SVEP1: variants seen among roughly 807,000 people sequenced by gnomAD.
SVEP1 encodes sushi, von Willebrand factor type A, EGF and pentraxin domain-containing protein 1.
SVEP1 carries 164 observed loss-of-function variants against 367.3 expected under a neutral mutation model. The observed-to-expected ratio is 0.45, with a 90% CI of 0.39 to 0.51. SVEP1 has a LOEUF of 0.51. Among genes scored for constraint, SVEP1 ranks in the 20% least tolerant of loss-of-function variants. SVEP1 has a pLI of 0.00. For synonymous variants in SVEP1, 1,666 were observed against 1,611.6 expected (o/e 1.03, Z -0.81); for missense variants, 4,117 against 4,425.3 (o/e 0.93, Z 1.98).
chr9:110,434,352 T>A lies in SVEP1; in HGVS notation c.5043A>T (p.Pro1681=), dbSNP rs764066854. ...YCLNQGQWTQ[P]LPHCERISCG... is the part of the protein sequence containing the mutation. ...GCAGCTCACGTTCACAGTGAGGAAG[T>A]GGTTGTGTCCACTGTCCTTGATTCA... Residue 1681 remains proline (P), a synonymous_variant, in exon 30 of 48, where the codon CCA becomes CCT. Transcript: ENST00000374469. 81 of 1,606,316 alleles carry A rather than the reference T, an allele frequency of 5.0e-5. No homozygotes were observed. Among genetic ancestry groups the A allele is most frequent in the Admixed American group, 8.4e-5 (5 of 59,640 alleles).
intron 27 of SVEP1, among the ~76,000 whole-genome samples, chr9:110,441,375 C>A (rs1176220862): frequency 6.6e-6 from 1 of 152,168 alleles, no homozygotes; most frequent in Non-Finnish European, 1.5e-5. Flanking sequence ...TCTCCCCAAT[C>A]CATTTCTTTA....
At position 110,475,649 on chromosome 9, in the gene SVEP1, C is replaced by T. The variant is rs78984103; in HGVS notation, c.2599+555G>A. On this transcript the variant is annotated intron_variant, in intron 14 of 47. Coordinates refer to ENST00000374469, the MANE Select transcript of SVEP1 (RefSeq NM_153366.4). ...CTCCTGGGCTCAAGGGATCCTCCCACCTCATCCCCCTAAGTAGCTGGGACT... is the reference window on the plus strand; with the variant it reads ...CTCCTGGGCTCAAGGGATCCTCCCATCTCATCCCCCTAAGTAGCTGGGACT... 6.6e-5 allele frequency among the ~76,000 whole-genome samples: 10 copies of T among 152,068 alleles called. No homozygotes were observed. In the East Asian group the frequency reaches 1.7e-3, roughly 26 times the overall value.
Position 110,443,633 on chromosome 9 carries a change from C to A in SVEP1, c.4551G>T (p.Trp1517Cys). 6.2e-7 allele frequency: 1 copy of A among 1,613,436 alleles called. No individual in the cohort carries two copies. The highest frequency in any genetic ancestry group is 8.5e-7 in the Non-Finnish European group (1 of 1,179,700). ...CTTTCCAGATGCCATTGGCACTTGT[C>A]CAAGTGATTGCAATATGATGCCATC... Reference protein sequence around the residue: ...DGRWHHIAITWTSANGIWKVY... With the variant: ...DGRWHHIAITCTSANGIWKVY... The change falls in exon 27 of 48, where the codon TGG becomes TGT. Residue 1517 changes from tryptophan (W) to cysteine (C), a missense_variant. By Grantham distance (215) the Trp-to-Cys change is radical (BLOSUM62 -2). This residue lies in a region of SVEP1 where 2,174 missense variants were observed against 2,494.3 expected (regional missense o/e 0.87). Transcript: ENST00000374469.
chr9:110,445,972 C>T lies in SVEP1; in HGVS notation c.4328G>A (p.Gly1443Asp). 1 of 1,613,786 alleles carries T rather than the reference C, an allele frequency of 6.2e-7. No homozygotes were observed. Among genetic ancestry groups the T allele is most frequent in the Non-Finnish European group, 8.5e-7 (1 of 1,179,814 alleles). Residue 1443 changes from glycine to aspartate, a missense_variant, in exon 26 of 48, where the codon GGC becomes GAC. Physicochemically the swap from Gly to Asp is moderately conservative, Grantham distance 94. This residue lies in a region of SVEP1 where 2,174 missense variants were observed against 2,494.3 expected (regional missense o/e 0.87). Coordinates refer to ENST00000374469, the MANE Select transcript of SVEP1 (RefSeq NM_153366.4). Reference protein sequence around the residue: ...SGIYGYVMLDGMLPSLHALTC... With the variant: ...SGIYGYVMLDDMLPSLHALTC... ...TAGAGCATGGAGAGATGGGAGCATG[C>T]CATCTAGCATGACATATCCATAGAT...
At chr9:110,540,118 T>C (rs1343672105) in intron 3 of SVEP1, among the ~76,000 whole-genome samples, 2 of 150,504 alleles carry the variant, frequency 1.3e-5, no homozygotes, top group Admixed American at 1.3e-4. Flanking sequence ...TAGCTACTAT[T>C]GTTATTATTA....
At chr9:110,392,054 A>T (rs1225570010) in intron 40 of SVEP1, among the ~76,000 whole-genome samples, 1 of 150,326 alleles carries the variant, frequency 6.7e-6, no homozygotes, top group African/African-American at 2.5e-5. Context: ...GAATTACACC[A>T]CCAGCTTCTC....
intron 4 of SVEP1, among the ~76,000 whole-genome samples, chr9:110,513,435 G>A (rs1191651599): frequency 1.3e-5 from 2 of 151,886 alleles, no homozygotes; most frequent in Non-Finnish European, 2.9e-5. Flanking sequence ...CTTGACTAAG[G>A]TAGAATAAAA....
At chr9:110,448,129 ATGTGTGTGTGTG>A (rs143871165) in intron 24 of SVEP1, among the ~76,000 whole-genome samples, 15 of 142,970 alleles carry the variant, frequency 1.0e-4, no homozygotes, top group East Asian at 8.1e-4. Flanking sequence ...AAGAAAGTGA[ATGTGTGTGTGTG>A]TGTGTGTGCG....
chr9:110,449,837 G>A (rs1320743364), intron 24 of SVEP1, among the ~76,000 whole-genome samples: 2 of 152,126 alleles, frequency 1.3e-5, no homozygotes. Flanking sequence ...GAATCATTGG[G>A]AAACTTAAGC....
chr9:110,562,106 T>C (rs939406789), intron 1 of SVEP1, among the ~76,000 whole-genome samples: 8 of 152,000 alleles, frequency 5.3e-5, no homozygotes, highest in Admixed American at 2.0e-4. Flanking sequence ...GCACAGGAGT[T>C]GATGAGTAGC....
chr9:110,570,467 CGTGTGTGTGTGTGTGT>C (rs59503025), intron 1 of SVEP1, among the ~76,000 whole-genome samples: 6 of 146,824 alleles, frequency 4.1e-5, no homozygotes, highest in African/African-American at 1.5e-4. Context: ...GTTTCTGTTG[CGTGTGTGTGTGTGTGT>C]GTGTGTGTGT....
chr9:110,518,879 T>G (rs746449664), intron 3 of SVEP1, among the ~76,000 whole-genome samples: 3 of 152,122 alleles, frequency 2.0e-5, no homozygotes, highest in Admixed American at 6.6e-5. Context: ...AACTATAAAT[T>G]CAGTCAAATC....
At position 110,437,647 on chromosome 9, in the gene SVEP1, T is replaced by A. The variant is rs534113669; in HGVS notation, c.4640-1143A>T. On this transcript the variant is annotated intron_variant, in intron 27 of 47. Transcript: ENST00000374469. ...TTCTTCCTTTAACTACTCTTTTTTT[T>A]TTATTTCAATAGTTTTTGGGGAATG... is the stretch of plus-strand genomic sequence containing the variant. Among the ~76,000 whole-genome samples the A allele has an allele frequency of 3.9e-3, 601 of 152,314 alleles. 2 individuals carry two copies. Among genetic ancestry groups the A allele is most frequent in the Non-Finnish European group, 5.7e-3 (391 of 68,020 alleles).
At chr9:110,541,852 T>TATCTATATACATAGATATCTATAG (rs1564171847) in intron 3 of SVEP1, among the ~76,000 whole-genome samples, 14 of 140,710 alleles carry the variant, frequency 9.9e-5, no homozygotes, top group African/African-American at 3.2e-4. Flanking sequence ...GATATCTATA[T>TATCTATATACATAGATATCTATAG]ATATCTATAT....
chr9:110,507,495 C>T (rs1829642649), intron 5 of SVEP1, among the ~76,000 whole-genome samples: 1 of 152,138 alleles, frequency 6.6e-6, no homozygotes, highest in Non-Finnish European at 1.5e-5. Context: ...AGTTTAGGAT[C>T]CATTACTCCT....
intron 3 of SVEP1, among the ~76,000 whole-genome samples, chr9:110,528,156 GTATATATATATATATATA>G (rs59360366): frequency 0.012 from 422 of 33,962 alleles, 17 homozygotes; most frequent in African/African-American, 0.043. Flanking sequence ...GTGTGTGTGT[GTATATATATATATATATA>G]TATATATATA....
At chr9:110,548,815 T>A (rs1276109118) in intron 2 of SVEP1, among the ~76,000 whole-genome samples, 1 of 152,136 alleles carries the variant, frequency 6.6e-6, no homozygotes, top group Non-Finnish European at 1.5e-5. Flanking sequence ...GCCAGCATCA[T>A]CCCTCAGAGA....
intron 3 of SVEP1, among the ~76,000 whole-genome samples, chr9:110,525,528 G>A (rs957304400): frequency 2.6e-5 from 4 of 152,046 alleles, no homozygotes; most frequent in Admixed American, 6.6e-5. Context: ...ATACAACTCC[G>A]AGGAAAATCC....
Position 110,411,519 on chromosome 9 carries a change from C to A in SVEP1, c.6192G>T (p.Gln2064His), listed in dbSNP as rs368810343. 1.8e-5 allele frequency: 29 copies of A among 1,613,860 alleles called. No homozygotes were observed. Among genetic ancestry groups the A allele is most frequent in the Non-Finnish European group, 2.3e-5 (27 of 1,179,900 alleles). ...ADNSQLLCNA[Q>H]GKWVPPEGQD... ...GACCTTCTGGGGGTACCCACTTGCC[C>A]TGGGCATTGCAGAGAAGCTGGGAAT... The change falls in exon 37 of 48, where the codon CAG becomes CAT. Residue 2064 changes from glutamine to histidine, a missense_variant. Around this residue, in one of 4 missense-constraint regions of SVEP1, gnomAD observed 2,174 missense variants for 2,494.3 expected, o/e 0.87. Coordinates refer to ENST00000374469, the MANE Select transcript of SVEP1 (RefSeq NM_153366.4).
Sources: allele counts gnomAD v4.1 joint callset (sites outside exome capture counted in the v4.1 genomes callset), GRCh38; gene constraint gnomAD v4.1.1; regional missense constraint gnomAD v4.1.1; transcripts MANE v1.5; gene names NCBI Gene and HGNC (gene_info 2026-07-23, HGNC 2026-07-21).